Variants in AMMECR1 observed in about 807,000 individuals in gnomAD.
AMMECR1 encodes AMMECR nuclear protein 1, also known as nuclear protein AMMECR1.
Under a neutral mutation model 22.5 loss-of-function variants are expected in AMMECR1, and 3 were observed. The observed-to-expected ratio is 0.13, with a 90% confidence interval of 0.06 to 0.35. AMMECR1 has a LOEUF of 0.35. AMMECR1 is among the 10% of genes least tolerant of loss of function. AMMECR1 has a pLI of 1.00. For synonymous variants in AMMECR1, 130 were observed against 116.7 expected, an observed-to-expected ratio of 1.11 and a Z score of -0.74; for missense variants, 235 against 278.7, an observed-to-expected ratio of 0.84 and a Z score of 1.12.
chrX:110,298,130 T>G (rs1185857080), intron 1 of AMMECR1, among the ~76,000 whole-genome samples: 1 of 111,501 alleles, frequency 9.0e-6, no homozygotes, highest in Non-Finnish European at 1.9e-5. Context: ...CTAGTCATGG[T>G]AGGACTGACT....
At chrX:110,332,928 G>C (rs941931449) in intron 2 of AMMECR1, among the ~76,000 whole-genome samples, 2 of 111,661 alleles carry the variant, frequency 1.8e-5, no homozygotes, top group Non-Finnish European at 3.8e-5. Flanking sequence ...AAGATCTCAA[G>C]AGAGAATGGA....
intron 2 of AMMECR1, among the ~76,000 whole-genome samples, chrX:110,260,667 G>T (rs1442139282): frequency 2.7e-5 from 3 of 111,377 alleles, no homozygotes; most frequent in Non-Finnish European, 3.8e-5. Context: ...ACACAAGCTA[G>T]ATCATTGTCT....
chrX:110,407,736 C>G (rs1226536484), intron 2 of AMMECR1, among the ~76,000 whole-genome samples: 1 of 112,261 alleles, frequency 8.9e-6, no homozygotes, highest in Non-Finnish European at 1.9e-5. Flanking sequence ...CTGTGTGAGG[C>G]TGACAAGAAA....
chrX:110,318,792 G>A (rs1374043801), upstream of AMMECR1, among the ~76,000 whole-genome samples: 1 of 111,821 alleles, frequency 8.9e-6, no homozygotes, highest in Non-Finnish European at 1.9e-5. Flanking sequence ...CTTTCCTTAT[G>A]GAGAAATATT....
At chrX:110,263,149 A>G (rs1286664167) in intron 2 of AMMECR1, among the ~76,000 whole-genome samples, 3 of 111,327 alleles carry the variant, frequency 2.7e-5, no homozygotes. Context: ...ACCTGTCCCA[A>G]AAAGGTAGCC....
intron 2 of AMMECR1, among the ~76,000 whole-genome samples, chrX:110,217,648 C>T (rs762886919): frequency 9.0e-6 from 1 of 110,875 alleles, no homozygotes; most frequent in East Asian, 2.8e-4. Flanking sequence ...TCATAACATC[C>T]ATCTTCAAAT....
intron 2 of AMMECR1, among the ~76,000 whole-genome samples, chrX:110,354,939 A>G (rs1053541322): frequency 3.6e-5 from 4 of 112,428 alleles, no homozygotes; most frequent in Non-Finnish European, 7.5e-5. Context: ...TTTCTTGGCA[A>G]CAAGAAAAAG....
At chrX:110,361,927 A>G (rs1481353101) in intron 2 of AMMECR1, among the ~76,000 whole-genome samples, 2 of 111,805 alleles carry the variant, frequency 1.8e-5, no homozygotes, top group African/African-American at 6.5e-5. Flanking sequence ...CTGTGTTCCA[A>G]TAAAACTGTA....
chrX:110,309,385 G>A (rs954534570), intron 1 of AMMECR1: 11 of 111,806 alleles, frequency 9.8e-5, no homozygotes, highest in East Asian at 2.8e-4. Flanking sequence ...AAAGTATATC[G>A]AATGGCAAGG....
intron 2 of AMMECR1, among the ~76,000 whole-genome samples, chrX:110,418,034 A>G (rs1476932166): frequency 8.9e-6 from 1 of 112,472 alleles, no homozygotes; most frequent in Non-Finnish European, 1.9e-5. Context: ...TTGAAGGGTG[A>G]GATGGGGTTA....
At chrX:110,390,385 T>C (rs953640883) in intron 2 of AMMECR1, among the ~76,000 whole-genome samples, 1 of 112,480 alleles carries the variant, frequency 8.9e-6, no homozygotes, top group African/African-American at 3.2e-5. Context: ...TATATACATA[T>C]ATTTTAATAA....
At chrX:110,345,508 A>C (rs1248402854) in intron 2 of AMMECR1, among the ~76,000 whole-genome samples, 1 of 109,118 alleles carries the variant, frequency 9.2e-6, no homozygotes, top group Non-Finnish European at 1.9e-5. Context: ...AAAAATATAT[A>C]TATATATATA....
chrX:110,216,596 C>T lies in AMMECR1; in HGVS notation c.621G>A (p.Arg207=). The part of the protein sequence containing the change: ...LKDSRFPPMT[R]DELPRLFCSV... ...AGCAGAAAAGCCGTGGCAGCTCATC[C>T]CTTGTCATTGGGGGAAAACGGCTAT... is the stretch of plus-strand genomic sequence containing the variant. Residue 207 remains arginine (R), a synonymous_variant, in exon 3 of 6, where the codon AGG becomes AGA. Transcript: ENST00000262844. 8.3e-7 allele frequency: 1 copy of T among 1,207,422 alleles called. No homozygotes were observed. The highest frequency in any genetic ancestry group is 1.1e-6 in the Non-Finnish European group (1 of 892,315).
In AMMECR1 at chrX:110,262,596, G is replaced by A. The variant is rs17254852; in HGVS notation, c.584+1893C>T. ...TAAATGGACAAGTCCAGAAAAGTTG[G>A]ATGTTTTCACCCCTTGCCAACATTG... On this transcript the variant is annotated intron_variant, in intron 2 of 5. Transcript: ENST00000262844. 4.5e-3 allele frequency among the ~76,000 whole-genome samples: 509 copies of A among 112,025 alleles called. 2 individuals carry two copies. Among genetic ancestry groups the A allele is most frequent in the Non-Finnish European group, 5.6e-3 (296 of 52,964 alleles).
chrX:110,419,180 A>G (rs1218899024), intron 2 of AMMECR1: 1 of 111,952 alleles, frequency 8.9e-6, no homozygotes, highest in Non-Finnish European at 1.9e-5. Flanking sequence ...CTCAGCTTCA[A>G]AATGCATGTA....
intron 2 of AMMECR1, among the ~76,000 whole-genome samples, chrX:110,370,351 G>A (rs2068329566): frequency 9.0e-6 from 1 of 111,441 alleles, no homozygotes; most frequent in African/African-American, 3.3e-5. Context: ...TAGGATTACA[G>A]GCACCTGCCA....
At chrX:110,367,973 A>T (rs375830679) in intron 2 of AMMECR1, among the ~76,000 whole-genome samples, 82 of 85,328 alleles carry the variant, frequency 9.6e-4, no homozygotes, top group Middle Eastern at 5.8e-3. Flanking sequence ...AGTGCTGGCT[A>T]ATTATTATTA....
chrX:110,228,642 G>A (rs1030595129), intron 2 of AMMECR1, among the ~76,000 whole-genome samples: 5 of 111,140 alleles, frequency 4.5e-5, no homozygotes, highest in African/African-American at 9.8e-5. Context: ...CACCTGGCAC[G>A]TGTCAGCATG....
chrX:110,326,864 G>C (rs1401998828), intron 2 of AMMECR1, among the ~76,000 whole-genome samples: 1 of 111,695 alleles, frequency 9.0e-6, no homozygotes. Context: ...CTAGGTGGTG[G>C]CGGTTAAGAT....
Sources: allele counts gnomAD v4.1 joint callset (sites outside exome capture counted in the v4.1 genomes callset), GRCh38; gene constraint gnomAD v4.1.1; transcripts MANE v1.5; gene names NCBI Gene and HGNC (gene_info 2026-07-23, HGNC 2026-07-21).